Variants in CCDC170 observed in about 807,000 individuals in gnomAD.
CCDC170 encodes coiled-coil domain-containing protein 170.
CCDC170 carries 69 observed loss-of-function variants against 72.6 expected under a neutral mutation model. The observed-to-expected ratio is 0.95, with a 90% CI of 0.78 to 1.16. CCDC170 has a LOEUF of 1.16. Among genes scored for constraint, CCDC170 ranks in the 50% most tolerant of loss-of-function variants. The pLI is 0.00. For synonymous variants in CCDC170, 300 were observed against 303.9 expected, an observed-to-expected ratio of 0.99 and a Z score of 0.13; for missense variants, 852 against 832.5, an observed-to-expected ratio of 1.02 and a Z score of -0.29.
At chr6:151,559,241 G>A (rs188583820) in intron 5 of CCDC170, among the ~76,000 whole-genome samples, 55 of 151,974 alleles carry the variant, frequency 3.6e-4, no homozygotes, top group Admixed American at 1.7e-3. Context: ...TGAACTCCTG[G>A]CCTCAAGTGA....
At chr6:151,528,191 T>C (rs982499990) in intron 1 of CCDC170, among the ~76,000 whole-genome samples, 6 of 152,168 alleles carry the variant, frequency 3.9e-5, no homozygotes, top group Admixed American at 6.5e-5. Flanking sequence ...GAGAGGTACC[T>C]AATAACTTAG....
intron 9 of CCDC170, among the ~76,000 whole-genome samples, chr6:151,612,621 T>C (rs968784733): frequency 1.3e-5 from 2 of 152,082 alleles, no homozygotes; most frequent in African/African-American, 4.8e-5. Context: ...CTCAGCTGTT[T>C]ACCGTGTAGG....
At position 151,544,570 on chromosome 6, in the gene CCDC170, A is replaced by C; in HGVS notation, c.444-2A>C. 6.2e-7 allele frequency: 1 copy of C among 1,609,350 alleles called. No individual in the cohort carries two copies. Among genetic ancestry groups the C allele is most frequent in the Non-Finnish European group, 8.5e-7 (1 of 1,176,262 alleles). Reference sequence around the variant, plus strand: ...CTGACTTATTTGTTATTTGCCTAACAGAAAGTGTTCAAAAGAAAATGAGGA... The same window carrying C: ...CTGACTTATTTGTTATTTGCCTAACCGAAAGTGTTCAAAAGAAAATGAGGA... On this transcript the variant is annotated splice_acceptor_variant, in intron 3 of 10. Transcript: ENST00000239374. LOFTEE classifies it high-confidence loss of function.
chr6:151,513,012 T>G (rs1378676956), intron 1 of CCDC170, among the ~76,000 whole-genome samples: 1 of 152,212 alleles, frequency 6.6e-6, no homozygotes, highest in Non-Finnish European at 1.5e-5. Context: ...TTTTATTTCC[T>G]TTGACTCAGT....
chr6:151,519,555 T>C (rs1006425237), intron 1 of CCDC170, among the ~76,000 whole-genome samples: 11 of 152,216 alleles, frequency 7.2e-5, no homozygotes, highest in Non-Finnish European at 1.3e-4. Context: ...GATTGAGAGA[T>C]TAAAGTAAAG....
chr6:151,576,074 A>C (rs1170600656), intron 6 of CCDC170, among the ~76,000 whole-genome samples: 1 of 152,256 alleles, frequency 6.6e-6, no homozygotes, highest in Non-Finnish European at 1.5e-5. Context: ...AAAATTTTCA[A>C]CTTGACGATG....
intron 9 of CCDC170, among the ~76,000 whole-genome samples, chr6:151,603,629 A>G (rs1269124789): frequency 1.3e-5 from 2 of 152,206 alleles, no homozygotes; most frequent in African/African-American, 4.8e-5. Flanking sequence ...ACACCCCATG[A>G]TATCAGTGGC....
At chr6:151,607,276 C>T (rs1775228943) in intron 9 of CCDC170, among the ~76,000 whole-genome samples, 1 of 152,104 alleles carries the variant, frequency 6.6e-6, no homozygotes, top group African/African-American at 2.4e-5. Context: ...AAACTATTTA[C>T]ATTCAAGGTT....
At chr6:151,516,413 T>G (rs943665331) in intron 1 of CCDC170, among the ~76,000 whole-genome samples, 3 of 152,146 alleles carry the variant, frequency 2.0e-5, no homozygotes, top group Admixed American at 6.5e-5. Context: ...GATAGATTGT[T>G]TTGTGGGTTT....
chr6:151,614,689 C>T (rs371927345), intron 9 of CCDC170, among the ~76,000 whole-genome samples: 25 of 150,458 alleles, frequency 1.7e-4, no homozygotes, highest in East Asian at 9.7e-4. Context: ...AGGCTGATCT[C>T]GAACTCCTGA....
intron 6 of CCDC170, among the ~76,000 whole-genome samples, chr6:151,576,830 G>C (rs1016592978): frequency 5.3e-5 from 8 of 152,180 alleles, no homozygotes; most frequent in Admixed American, 4.6e-4. Flanking sequence ...GCATGTCCCT[G>C]CCAGCTGCCA....
Position 151,573,213 on chromosome 6 carries a change from A to T in CCDC170, c.814A>T (p.Arg272Trp). 5 of 1,613,952 alleles carry T rather than the reference A, an allele frequency of 3.1e-6. No individual in the cohort carries two copies. Among genetic ancestry groups the T allele is most frequent in the Non-Finnish European group, 4.2e-6 (5 of 1,179,986 alleles). Residue 272 changes from arginine (R) to tryptophan (W), a missense_variant, in exon 6 of 11, where the codon AGG becomes TGG. By Grantham distance (101) the Arg-to-Trp change is moderately radical (BLOSUM62 -3). Transcript: ENST00000239374. ...TGTAGAAGCAAAAGAAGCTCTTGAA[A>T]GGGAAGTTAAGATCTTCCAAGAAAG... ...SAVEAKEALE[R>W]EVKIFQERLL...
chr6:151,511,688 C>T (rs1211028305), intron 1 of CCDC170, among the ~76,000 whole-genome samples: 2 of 152,154 alleles, frequency 1.3e-5, no homozygotes, highest in Non-Finnish European at 2.9e-5. Context: ...AAACAGAGGG[C>T]CTGCTCTCAC....
intron 9 of CCDC170, among the ~76,000 whole-genome samples, chr6:151,598,677 A>G (rs1554226242): frequency 6.6e-6 from 1 of 152,196 alleles, no homozygotes; most frequent in Non-Finnish European, 1.5e-5. Context: ...CCACCCAGTT[A>G]TCATCTCAGA....
At chr6:151,606,660 C>T (rs1776789916) in intron 9 of CCDC170, among the ~76,000 whole-genome samples, 1 of 152,114 alleles carries the variant, frequency 6.6e-6, no homozygotes, top group Admixed American at 6.5e-5. Context: ...TAGTTTATGT[C>T]CAAGAATTCT....
intron 7 of CCDC170, among the ~76,000 whole-genome samples, chr6:151,587,927 G>A (rs1776478375): frequency 6.6e-6 from 1 of 152,168 alleles, no homozygotes; most frequent in Non-Finnish European, 1.5e-5. Context: ...TCAGGCAGAA[G>A]AGGTGGGAAG....
intron 7 of CCDC170, among the ~76,000 whole-genome samples, chr6:151,592,723 A>G (rs942014921): frequency 2.0e-5 from 3 of 152,186 alleles, no homozygotes; most frequent in Non-Finnish European, 2.9e-5. Flanking sequence ...CAGCCAAACC[A>G]TATCAATGGG....
At chr6:151,569,826 A>G (rs1023429758) in intron 5 of CCDC170, among the ~76,000 whole-genome samples, 1 of 152,144 alleles carries the variant, frequency 6.6e-6, no homozygotes, top group East Asian at 1.9e-4. Flanking sequence ...ACCATCCCCA[A>G]GGCCTTGTCA....
intron 5 of CCDC170, among the ~76,000 whole-genome samples, chr6:151,549,676 T>G (rs553652639): frequency 1.4e-4 from 21 of 152,274 alleles, no homozygotes; most frequent in Admixed American, 3.3e-4. Context: ...ATCCTCCCAC[T>G]TGGGACTTCC....
Sources: gnomAD v4.1 joint callset for allele counts (sites outside exome capture counted in the v4.1 genomes callset) on GRCh38, gnomAD v4.1.1 for gene constraint, MANE v1.5 for transcripts, NCBI Gene and HGNC (gene_info 2026-07-23, HGNC 2026-07-21) for gene names.